DNAH7: variants seen among roughly 807,000 people sequenced by gnomAD.
DNAH7 encodes the protein dynein axonemal heavy chain 7, also known as axonemal beta dynein heavy chain 7.
Under a neutral mutation model 444.6 loss-of-function variants are expected in DNAH7, and 397 were observed. The ratio of observed to expected loss-of-function variants is 0.89; its 90% confidence interval spans 0.82 to 0.97. The LOEUF is 0.97. DNAH7 is among the 50% of genes least tolerant of loss of function. The probability of loss-of-function intolerance (pLI) is 0.00; values close to 1 mark genes in which losing one functional copy is unlikely to be tolerated. For synonymous variants in DNAH7, 1,636 were observed against 1,624.4 expected (o/e 1.01, Z -0.17); for missense variants, 4,902 against 4,800.8 (o/e 1.02, Z -0.62).
chr2:195,937,996 T>C (rs1427606748), intron 19 of DNAH7, among the ~76,000 whole-genome samples: 1 of 152,102 alleles, frequency 6.6e-6, no homozygotes, highest in Non-Finnish European at 1.5e-5. Context: ...ATTAACTAAT[T>C]AGATATTTTT....
rs1189539446 is a variant in DNAH7, at chr2:195,762,799, C to CT, written c.11434-6515dup. 2.6e-5 allele frequency among the ~76,000 whole-genome samples: 4 copies of CT among 152,090 alleles called. No homozygotes were observed. The East Asian group carries it at 7.7e-4, about 29-fold the overall frequency. On this transcript the variant is annotated intron_variant, in intron 61 of 64. Transcript: ENST00000312428. The stretch of plus-strand genomic sequence containing the variant: ...AGTAGCTGGAGACTTCAACACCCTA[C>CT]TTTCAGCATCAGACAGACCATCCAG...
intron 36 of DNAH7, among the ~76,000 whole-genome samples, chr2:195,879,293 AT>A (rs1486060981): frequency 6.6e-6 from 1 of 152,214 alleles, no homozygotes; most frequent in Non-Finnish European, 1.5e-5. Flanking sequence ...AAAATAGATC[AT>A]GTAAATGAAA....
At chr2:195,815,715 T>G (rs1697184941) in intron 51 of DNAH7, among the ~76,000 whole-genome samples, 1 of 152,196 alleles carries the variant, frequency 6.6e-6, no homozygotes, top group Non-Finnish European at 1.5e-5. Context: ...ATTAAAAACA[T>G]GTCTTGGCCG....
In DNAH7 at chr2:195,954,539, A is replaced by G. The variant is rs947901874; in HGVS notation, c.3078+2722T>C. The stretch of plus-strand genomic sequence containing the variant: ...ATGATTTATAATCCTTTGGGTATAT[A>G]CCCAGTAATGGGATGGCTGGGTCAA... On this transcript the variant is annotated intron_variant, in intron 19 of 64. Transcript: ENST00000312428. Among the ~76,000 whole-genome samples the G allele has an allele frequency of 5.5e-4, 84 of 152,330 alleles. 1 individual carries two copies. Among genetic ancestry groups the G allele is most frequent in the Non-Finnish European group, 2.8e-4 (19 of 68,046 alleles).
At chr2:195,882,084 C>T (rs1701418371) in intron 35 of DNAH7, 92 bp from the exon 36 acceptor site, 1 of 1,011,716 alleles carries the variant, frequency 9.9e-7, no homozygotes, top group South Asian at 1.6e-5. Flanking sequence ...CTAAGACCAA[C>T]AAACCCTGAT....
intron 63 of DNAH7, among the ~76,000 whole-genome samples, chr2:195,745,916 C>T (rs962527793): frequency 6.6e-6 from 1 of 152,182 alleles, no homozygotes; most frequent in African/African-American, 2.4e-5. Flanking sequence ...TAAAGACCAT[C>T]AAGGCTAGGA....
chr2:195,908,627 G>C (rs1229945170), intron 25 of DNAH7, among the ~76,000 whole-genome samples: 1 of 151,998 alleles, frequency 6.6e-6, no homozygotes, highest in Non-Finnish European at 1.5e-5. Flanking sequence ...TTTTATGGCT[G>C]AATAGTATTT....
intron 3 of DNAH7, 82 bp downstream of exon 3, chr2:196,051,105 G>A: frequency 8.2e-7 from 1 of 1,221,280 alleles, no homozygotes; most frequent in South Asian, 1.2e-5. Flanking sequence ...GCAGGAATTT[G>A]CTTACTTATT....
Position 195,806,822 on chromosome 2 carries a change from T to C in DNAH7, c.10094A>G (p.His3365Arg), listed in dbSNP as rs765655468. ...TTCCCATTCTTCAGGGAAAACCTCA[T>C]GGTGTGGTTCCTAAAATTACAGTGT... ...KKVYDSLEPH[H>R]EVFPEEWEDK... Residue 3365 changes from histidine to arginine, a missense_variant, in exon 54 of 65, where the codon CAT (histidine) becomes CGT (arginine). Transcript: ENST00000312428. The C allele has an allele frequency of 3.1e-6, 5 of 1,613,138 alleles. No individual in the cohort carries two copies. Among genetic ancestry groups the C allele is most frequent in the Non-Finnish European group, 3.4e-6 (4 of 1,179,468 alleles).
rs536239028 is a variant in DNAH7, at chr2:195,935,165, A to T, written c.3273-376T>A. ...AATCTGAAGAATCTTCAAATGCACA[A>T]AAGTAGCCATTTCAACTGGGTTCTT... is the stretch of plus-strand genomic sequence containing the variant. On this transcript the variant is annotated intron_variant, in intron 20 of 64. Coordinates refer to ENST00000312428, the MANE Select transcript of DNAH7 (RefSeq NM_018897.3). Among the ~76,000 whole-genome samples, 85 of 152,344 alleles carry T rather than the reference A, an allele frequency of 5.6e-4. 1 individual carries two copies. The highest frequency in any genetic ancestry group is 2.0e-3 in the African/African-American group (83 of 41,590).
intron 61 of DNAH7, among the ~76,000 whole-genome samples, chr2:195,762,075 A>G (rs1181651838): frequency 6.6e-6 from 1 of 152,136 alleles, no homozygotes; most frequent in African/African-American, 2.4e-5. Flanking sequence ...GGAAAAACAA[A>G]AAGTTAAAAA....
chr2:195,891,552 A>T (rs1413188158), intron 31 of DNAH7, 103 bp downstream of exon 31: 1 of 1,051,598 alleles, frequency 9.5e-7, no homozygotes, highest in Non-Finnish European at 1.3e-6. Context: ...ATAATATCTT[A>T]ATCTATAGAT....
chr2:195,934,911 C>A, intron 20 of DNAH7, 122 bp from the exon 21 acceptor site: 1 of 1,031,044 alleles, frequency 9.7e-7, no homozygotes, highest in Non-Finnish European at 1.4e-6. Context: ...TGTGCAAAAA[C>A]CGGAAACCCC....
At chr2:196,058,519 A>G (rs932315963) in intron 1 of DNAH7, among the ~76,000 whole-genome samples, 5 of 152,258 alleles carry the variant, frequency 3.3e-5, no homozygotes, top group Non-Finnish European at 7.3e-5. Flanking sequence ...GTAATAATAC[A>G]TATTCTAAAA....
chr2:195,796,081 C>G (rs1696117926), intron 56 of DNAH7, among the ~76,000 whole-genome samples: 1 of 152,158 alleles, frequency 6.6e-6, no homozygotes, highest in Admixed American at 6.5e-5. Context: ...CCACGACCCA[C>G]TGCAAGGTGG....
chr2:195,983,958 T>G (rs535078378), intron 15 of DNAH7, among the ~76,000 whole-genome samples: 2 of 152,344 alleles, frequency 1.3e-5, no homozygotes, highest in South Asian at 2.1e-4. Flanking sequence ...AATAACCTGA[T>G]AGATAATTGC....
At chr2:195,854,517 T>C (rs1699581994) in intron 45 of DNAH7, among the ~76,000 whole-genome samples, 1 of 152,210 alleles carries the variant, frequency 6.6e-6, no homozygotes. Context: ...TGATACTTCC[T>C]AAATTTAATT....
At position 195,881,868 on chromosome 2, in the gene DNAH7, T is replaced by C. The variant is rs1036033581; in HGVS notation, c.5888A>G (p.Glu1963Gly). 5.0e-6 allele frequency: 8 copies of C among 1,614,046 alleles called. No homozygotes were observed. Among genetic ancestry groups the C allele is most frequent in the Non-Finnish European group, 5.1e-6 (6 of 1,179,942 alleles). Residue 1963 changes from glutamate (E) to glycine (G), a missense_variant, in exon 36 of 65, where the codon GAA (glutamate) becomes GGA (glycine). By Grantham distance (98) the Glu-to-Gly change is moderately conservative (BLOSUM62 -2). Transcript: ENST00000312428. ...AGGCTTTTGATGGGTGGTCAGCAAT[T>C]CCATTAATGCAGAGTATCGAATTGT... ...LDTIRYSALM[E>G]LLTTHQKPSI...
At chr2:195,749,517 T>A (rs1314562608) in intron 63 of DNAH7, among the ~76,000 whole-genome samples, 1 of 152,088 alleles carries the variant, frequency 6.6e-6, no homozygotes, top group Admixed American at 6.6e-5. Flanking sequence ...ATGCTGCTAT[T>A]AAGACACATG....
Sources: allele counts gnomAD v4.1 joint callset (sites outside exome capture counted in the v4.1 genomes callset), GRCh38; gene constraint gnomAD v4.1.1; transcripts MANE v1.5; gene names NCBI Gene and HGNC (gene_info 2026-07-23, HGNC 2026-07-21).